Variants in LMCD1 observed in about 807,000 individuals in gnomAD.
LMCD1 encodes LIM and cysteine-rich domains protein 1.
A neutral mutation model predicts 42.7 loss-of-function variants in LMCD1; 32 were observed. That is an observed-to-expected ratio of 0.75 (90% CI 0.57 to 1.01). The LOEUF (loss-of-function observed/expected upper bound fraction) is 1.01. Ranked by LOEUF, LMCD1 falls within the 50% of genes least tolerant of loss-of-function variation. The probability of loss-of-function intolerance (pLI) is 0.00; values close to 1 mark genes in which losing one functional copy is unlikely to be tolerated. For synonymous variants in LMCD1, 178 were observed against 184.9 expected (o/e 0.96, Z 0.30); for missense variants, 458 against 483.1 (o/e 0.95, Z 0.49).
intron 1 of LMCD1, among the ~76,000 whole-genome samples, chr3:8,509,107 G>A (rs1018265393): frequency 1.3e-5 from 2 of 152,156 alleles, no homozygotes; most frequent in Non-Finnish European, 2.9e-5. Flanking sequence ...GAGGTAAAGT[G>A]CATAAAGTGC....
intron 1 of LMCD1, among the ~76,000 whole-genome samples, chr3:8,511,365 G>C (rs970154801): frequency 2.6e-5 from 4 of 152,244 alleles, no homozygotes; most frequent in Non-Finnish European, 5.9e-5. Flanking sequence ...GCCAGGGACT[G>C]AGGTGGGAAA....
At chr3:8,536,043 GC>G (rs1189560700) in intron 2 of LMCD1, among the ~76,000 whole-genome samples, 1 of 152,168 alleles carries the variant, frequency 6.6e-6, no homozygotes, top group Non-Finnish European at 1.5e-5. Context: ...ATCAGGGCTT[GC>G]CCCCACTAGC....
At chr3:8,502,029 TCC>T in intron 1 of LMCD1, 49 bp downstream of exon 1, 1 of 1,541,464 alleles carries the variant, frequency 6.5e-7, no homozygotes, top group Non-Finnish European at 8.8e-7. Context: ...TTTTTCTTGT[TCC>T]CCTTCCCATC....
chr3:8,506,532 TC>T (rs1456882708), intron 1 of LMCD1, among the ~76,000 whole-genome samples: 1 of 152,114 alleles, frequency 6.6e-6, no homozygotes, highest in Non-Finnish European at 1.5e-5. Flanking sequence ...AGGGAATAGT[TC>T]CTCTCGCAAC....
chr3:8,506,487 C>T (rs1244604245), intron 1 of LMCD1, among the ~76,000 whole-genome samples: 5 of 152,182 alleles, frequency 3.3e-5, no homozygotes, highest in Non-Finnish European at 7.3e-5. Flanking sequence ...ACGCAGGCCA[C>T]TTCCCAAGAG....
At chr3:8,565,685 G>A (rs200301968) in intron 5 of LMCD1, 38 bp downstream of exon 5, 7 of 1,531,558 alleles carry the variant, frequency 4.6e-6, no homozygotes, top group African/African-American at 2.7e-5. Context: ...GGGGCTTGAG[G>A]GACACTGCTG....
chr3:8,550,896 T>C (rs2125033446), intron 4 of LMCD1: 3 of 985,424 alleles, frequency 3.0e-6, no homozygotes, highest in Non-Finnish European at 3.6e-6. Flanking sequence ...TGTTTTATTC[T>C]TGACTGAGCC....
chr3:8,565,554 G>A lies in LMCD1; in HGVS notation c.846G>A (p.Leu282=). 6.2e-7 allele frequency: 1 copy of A among 1,614,172 alleles called. No individual in the cohort carries two copies. Among genetic ancestry groups the A allele is most frequent in the Non-Finnish European group, 8.5e-7 (1 of 1,180,016 alleles). Residue 282 remains leucine (L), a synonymous_variant, in exon 5 of 6, where the codon CTG becomes CTA. Transcript: ENST00000157600. ...TGTGTGCCAAGTGCTCCGAGCCGCTGGTGGACCTCATCTACTTCTGGAAGG... is the reference window on the plus strand; with the variant it reads ...TGTGTGCCAAGTGCTCCGAGCCGCTAGTGGACCTCATCTACTTCTGGAAGG... The part of the protein sequence containing the change: ...CFVCAKCSEP[L]VDLIYFWKDG...
chr3:8,534,300 A>AT (rs1694471811), intron 2 of LMCD1, among the ~76,000 whole-genome samples: 1 of 151,610 alleles, frequency 6.6e-6, no homozygotes, highest in African/African-American at 2.4e-5. Context: ...CATTTGGTAT[A>AT]TTTTTTCTGG....
intron 3 of LMCD1, among the ~76,000 whole-genome samples, chr3:8,546,515 C>T (rs1694737877): frequency 6.6e-6 from 1 of 152,190 alleles, no homozygotes; most frequent in Admixed American, 6.5e-5. Flanking sequence ...GCCACAGTCA[C>T]ACCGCCGGCA....
intron 5 of LMCD1, 107 bp from the exon 6 acceptor site, chr3:8,567,333 A>C: frequency 8.6e-7 from 1 of 1,169,014 alleles, no homozygotes; most frequent in South Asian, 1.8e-5. Flanking sequence ...AAAGGTCAAA[A>C]CAAGAATAGG....
chr3:8,508,422 G>A (rs1693926528), intron 1 of LMCD1, among the ~76,000 whole-genome samples: 1 of 152,152 alleles, frequency 6.6e-6, no homozygotes, highest in Admixed American at 6.5e-5. Context: ...AAGGACAAAG[G>A]AGTGCCAGTG....
intron 4 of LMCD1, 86 bp downstream of exon 4, chr3:8,548,989 C>A: frequency 1.0e-6 from 1 of 974,658 alleles, no homozygotes; most frequent in Non-Finnish European, 1.5e-6. Flanking sequence ...GGCTTTGTTC[C>A]CTCATTCATG....
chr3:8,509,764 T>C (rs1267372255), intron 1 of LMCD1, among the ~76,000 whole-genome samples: 3 of 152,142 alleles, frequency 2.0e-5, no homozygotes, highest in Non-Finnish European at 4.4e-5. Context: ...ATCTCAACTC[T>C]GGTCATCCCT....
intron 4 of LMCD1, among the ~76,000 whole-genome samples, chr3:8,555,453 G>A (rs1694917567): frequency 6.6e-6 from 1 of 152,100 alleles, no homozygotes; most frequent in Non-Finnish European, 1.5e-5. Flanking sequence ...AGACAAGCCT[G>A]GGGTCATTCA....
chr3:8,521,539 G>C (rs1243951641), intron 1 of LMCD1, among the ~76,000 whole-genome samples: 1 of 152,198 alleles, frequency 6.6e-6, no homozygotes, highest in African/African-American at 2.4e-5. Flanking sequence ...ATTGCTTATA[G>C]CTCCTCTGTC....
At chr3:8,521,629 G>A (rs149381895) in intron 1 of LMCD1, among the ~76,000 whole-genome samples, 28 of 152,226 alleles carry the variant, frequency 1.8e-4, no homozygotes, top group African/African-American at 6.7e-4. Context: ...TCACCTCTTT[G>A]TCTATTTTTG....
At chr3:8,539,428 C>T (rs1025354251) in intron 3 of LMCD1, among the ~76,000 whole-genome samples, 1 of 152,146 alleles carries the variant, frequency 6.6e-6, no homozygotes, top group Non-Finnish European at 1.5e-5. Context: ...GGGCTTGTCC[C>T]GGGCCACAGA....
At chr3:8,555,108 G>A (rs575023086) in intron 4 of LMCD1, among the ~76,000 whole-genome samples, 1 of 152,172 alleles carries the variant, frequency 6.6e-6, no homozygotes, top group Non-Finnish European at 1.5e-5. Flanking sequence ...CCAGGATCCT[G>A]GGAGCACAGT....
Sources: gnomAD v4.1 joint callset for allele counts (sites outside exome capture counted in the v4.1 genomes callset) on GRCh38, gnomAD v4.1.1 for gene constraint, MANE v1.5 for transcripts, NCBI Gene and HGNC (gene_info 2026-07-23, HGNC 2026-07-21) for gene names.